GTPBP2: variants seen among roughly 807,000 people sequenced by gnomAD.
The protein encoded by GTPBP2 is GTP-binding protein 2.
A neutral mutation model predicts 63.0 loss-of-function variants in GTPBP2; 32 were observed. The ratio of observed to expected loss-of-function variants is 0.51; its 90% CI spans 0.38 to 0.68. The LOEUF is 0.68. Among genes scored for constraint, GTPBP2 ranks in the 30% least tolerant of loss-of-function variants. The pLI, the probability that GTPBP2 is intolerant of heterozygous loss-of-function variation, is 0.00. For missense variants in GTPBP2, 492 were observed against 796.9 expected (o/e 0.62, Z 4.61); for synonymous variants, 310 against 322.6 (o/e 0.96, Z 0.42).
At position 43,621,800 on chromosome 6, in the gene GTPBP2, A is replaced by G. The variant is rs770074242; in HGVS notation, c.1633-10T>C. The G allele has an allele frequency of 1.2e-6, 2 of 1,614,142 alleles. No individual in the cohort carries two copies. Among genetic ancestry groups the G allele is most frequent in the South Asian group, 1.1e-5 (1 of 91,080 alleles). On this transcript the variant is annotated splice_polypyrimidine_tract_variant and intron_variant, in intron 11 of 11. Coordinates refer to ENST00000307126, the MANE Select transcript of GTPBP2 (RefSeq NM_019096.5). ...CTGTCCGCAGTTTGTCCTGCAGCAA[A>G]TAAGTGGTCACTCCCCTGGCCAGTG...
upstream of GTPBP2, chr6:43,629,608 G>A (rs943874052): frequency 9.5e-6 from 8 of 843,852 alleles, no homozygotes; most frequent in African/African-American, 1.2e-4. Context: ...GCTTACATCA[G>A]AATCGAGCTT....
Position 43,622,758 on chromosome 6 carries a change from C to T in GTPBP2, c.1342G>A (p.Asp448Asn). Residue 448 changes from aspartate (D) to asparagine (N), a missense_variant, in exon 10 of 12, where the codon GAT becomes AAT. Asp to Asn is a conservative substitution (Grantham distance 23). This residue lies in a region of GTPBP2 where 400 missense variants were observed against 710.8 expected (regional missense o/e 0.56). Transcript: ENST00000307126. The surrounding 1 kb of genome is among the most constrained non-coding windows in gnomAD (Gnocchi z 5.4). The stretch of plus-strand genomic sequence containing the variant: ...ACTCTCAGCTCCAGGAAGCAGCCAT[C>T]ATCCGTGGGGCCCACCACCAGCTGG... The part of the protein sequence containing the change: ...GDQLVVGPTD[D>N]GCFLELRVCS... 1 of 1,614,158 alleles carries T rather than the reference C, an allele frequency of 6.2e-7. No homozygotes were observed. Among genetic ancestry groups the T allele is most frequent in the Non-Finnish European group, 8.5e-7 (1 of 1,179,998 alleles).
Position 43,621,742 on chromosome 6 carries a change from T to G in GTPBP2, c.1681A>C (p.Lys561Gln). The G allele has an allele frequency of 6.2e-7, 1 of 1,614,156 alleles. No individual in the cohort carries two copies. Among genetic ancestry groups the G allele is most frequent in the Non-Finnish European group, 8.5e-7 (1 of 1,180,022 alleles). Residue 561 changes from lysine to glutamine, a missense_variant, in exon 12 of 12, where the codon AAA (lysine) becomes CAA (glutamine). By Grantham distance (53) the Lys-to-Gln change is moderately conservative. This residue lies in a region of GTPBP2 where 400 missense variants were observed against 710.8 expected (regional missense o/e 0.56). Coordinates refer to ENST00000307126, the MANE Select transcript of GTPBP2 (RefSeq NM_019096.5). Reference sequence around the variant, plus strand: ...CCCACCTTCAGGTACTCTGGGTGTTTCAGGAAGCGGAAACGTACCACTGCC... The same window carrying G: ...CCCACCTTCAGGTACTCTGGGTGTTGCAGGAAGCGGAAACGTACCACTGCC... ...EKAVVRFRFLKHPEYLKVGAK... is the reference protein window; with the variant it reads ...EKAVVRFRFLQHPEYLKVGAK...
Position 43,626,152 on chromosome 6 carries a change from G to A in GTPBP2, c.398+74C>T. The A allele has an allele frequency of 7.1e-7, 1 of 1,401,692 alleles. No homozygotes were observed. Among genetic ancestry groups the A allele is most frequent in the Non-Finnish European group, 1.0e-6 (1 of 1,002,958 alleles). The allele number at this position is 1,401,692 out of a possible 1,614,324, so 86.8% of individuals were successfully genotyped here. Reference sequence around the variant, plus strand: ...GGAAAGTCCCACCTTGGCCCCTCAGGCCCTAGGTAACTGGGTATGCATGGG... The same window carrying A: ...GGAAAGTCCCACCTTGGCCCCTCAGACCCTAGGTAACTGGGTATGCATGGG... On this transcript the variant is annotated intron_variant, in intron 3 of 11. Transcript: ENST00000307126. The surrounding 1 kb of genome is among the most constrained non-coding windows in gnomAD (Gnocchi z 4.0).
intron 1 of GTPBP2, among the ~76,000 whole-genome samples, chr6:43,628,357 G>A (rs776694758): frequency 5.3e-5 from 8 of 151,876 alleles, no homozygotes; most frequent in South Asian, 4.1e-4. Flanking sequence ...CAGAGACTCC[G>A]TCTCAAAAAA....
At position 43,626,502 on chromosome 6, in the gene GTPBP2, T is replaced by G; in HGVS notation, c.214-92A>C. The stretch of plus-strand genomic sequence containing the variant: ...CCTGTTCTGCTGCAAGGACCAGGAC[T>G]TTCTCTTTCCACTTAAACTCATACC... On this transcript the variant is annotated intron_variant, in intron 2 of 11. Coordinates refer to ENST00000307126, the MANE Select transcript of GTPBP2 (RefSeq NM_019096.5). The surrounding 1 kb of genome is among the most constrained non-coding windows in gnomAD (Gnocchi z 4.0). The G allele has an allele frequency of 1.0e-6, 1 of 998,724 alleles. No homozygotes were observed. Among genetic ancestry groups the G allele is most frequent in the Non-Finnish European group, 1.5e-6 (1 of 659,638 alleles). The allele number at this position is 998,724 out of a possible 1,614,324, so 61.9% of individuals were successfully genotyped here.
In GTPBP2 at chr6:43,622,082, G is replaced by A; in HGVS notation, c.1553C>T (p.Thr518Ile). The change falls in exon 11 of 12, where the codon ACC becomes ATC. Residue 518 changes from threonine (T) to isoleucine (I), a missense_variant. Transcript: ENST00000307126. This position sits in a 1 kb window ranked among gnomAD's most constrained non-coding sequence, Gnocchi z 5.4. ...AEIVLLFHAT[T>I]FRRGFQVTVH... ...TGTCACCTGGAATCCTCGTCGGAAG[G>A]TGGTGGCATGGAACAGTAAGACTAT... 6.2e-7 allele frequency: 1 copy of A among 1,614,086 alleles called. No individual in the cohort carries two copies. Among genetic ancestry groups the A allele is most frequent in the Non-Finnish European group, 8.5e-7 (1 of 1,179,976 alleles).
chr6:43,621,231 A>AC lies in GTPBP2; in HGVS notation c.*382dup. Reference sequence around the variant, plus strand: ...AGAAAAAGGAGTGCTTTTGAGGGCTACCCCCTGTTGTGACCATTCCTGAAG... The same window carrying AC: ...AGAAAAAGGAGTGCTTTTGAGGGCTACCCCCCTGTTGTGACCATTCCTGAAG... On this transcript the variant is annotated 3_prime_UTR_variant, in exon 12 of 12. Transcript: ENST00000307126. The AC allele has an allele frequency of 2.6e-6, 1 of 385,902 alleles. No individual in the cohort carries two copies. Among genetic ancestry groups the AC allele is most frequent in the Non-Finnish European group, 5.1e-6 (1 of 197,566 alleles). 23.9% of individuals were successfully genotyped at this position (385,902 alleles called of 1,614,324 possible).
intron 9 of GTPBP2, 157 bp downstream of exon 9, chr6:43,623,580 G>A (rs1005153910): frequency 1.1e-5 from 7 of 651,134 alleles, no homozygotes; most frequent in East Asian, 5.3e-5. Flanking sequence ...ACAGACTACC[G>A]TTCTCCAGCT....
In GTPBP2 at chr6:43,626,340, T is replaced by C. The variant is rs1769340823; in HGVS notation, c.284A>G (p.Glu95Gly). Residue 95 changes from glutamate (E) to glycine (G), a missense_variant, in exon 3 of 12, where the codon GAG becomes GGG. Coordinates refer to ENST00000307126, the MANE Select transcript of GTPBP2 (RefSeq NM_019096.5). The surrounding 1 kb of genome is among the most constrained non-coding windows in gnomAD (Gnocchi z 4.0). ...CTGGTAGACGGCCTCACCACGTCCC[T>C]CCTGGAGCCGCCACTTCATTTGTGT... Reference protein sequence around the residue: ...LVTQMKWRLQEGRGEAVYQIG... With the variant: ...LVTQMKWRLQGGRGEAVYQIG... 1 of 1,613,990 alleles carries C rather than the reference T, an allele frequency of 6.2e-7. No homozygotes were observed. The highest frequency in any genetic ancestry group is 8.5e-7 in the Non-Finnish European group (1 of 1,179,992).
At chr6:43,629,502 C>T (rs1355531921), upstream of GTPBP2, 4 of 608,670 alleles carry the variant, frequency 6.6e-6, no homozygotes, top group South Asian at 1.9e-5. Context: ...TGTAGTCTGA[C>T]TTCCAGTCCT....
rs374771111 is a variant in GTPBP2, at chr6:43,623,118, C to T, written c.1296-314G>A. On this transcript the variant is annotated intron_variant, in intron 9 of 11. Transcript: ENST00000307126. ...GCTTTGCAGAGTCTTAGGCCAGCCG[C>T]GTTGGCTCACACCTGTAATCCTAGC... 1,641 of 293,722 alleles carry T rather than the reference C, an allele frequency of 5.6e-3. 7 individuals carry two copies. The highest frequency in any genetic ancestry group is 8.6e-3 in the Non-Finnish European group (1,336 of 155,980). The allele number at this position is 293,722 out of a possible 1,614,324, so 18.2% of individuals were successfully genotyped here.
upstream of GTPBP2, chr6:43,629,315 C>T (rs1769740858): frequency 4.3e-6 from 1 of 231,212 alleles, no homozygotes; most frequent in African/African-American, 2.3e-5. Flanking sequence ...GCCTCCGGGT[C>T]GCGTCAGAAA....
In GTPBP2 at chr6:43,626,125, A is replaced by T; in HGVS notation, c.398+101T>A. On this transcript the variant is annotated intron_variant, in intron 3 of 11. Coordinates refer to ENST00000307126, the MANE Select transcript of GTPBP2 (RefSeq NM_019096.5). This position sits in a 1 kb window ranked among gnomAD's most constrained non-coding sequence, Gnocchi z 4.0. ...CCCCACTTCAGCCCTTTGTCAAGAGAAGGAAAGTCCCACCTTGGCCCCTCA... is the reference window on the plus strand; with the variant it reads ...CCCCACTTCAGCCCTTTGTCAAGAGTAGGAAAGTCCCACCTTGGCCCCTCA... The T allele has an allele frequency of 8.9e-7, 1 of 1,124,320 alleles. No homozygotes were observed. Among genetic ancestry groups the T allele is most frequent in the South Asian group, 1.4e-5 (1 of 70,910 alleles). 69.6% of individuals were successfully genotyped at this position (1,124,320 alleles called of 1,614,324 possible). A position where few individuals can be genotyped will look rare whatever the true frequency, so the allele number is the denominator to read the frequency against.
upstream of GTPBP2, chr6:43,629,761 G>A: frequency 1.3e-6 from 2 of 1,559,142 alleles, no homozygotes; most frequent in South Asian, 1.2e-5. Context: ...TGGCCCGCGT[G>A]CCGCTGGGGT....
Position 43,622,538 on chromosome 6 carries a change from TTTCTCTGAAGCACCTTA to T in GTPBP2, c.1467+78_1467+94del. On this transcript the variant is annotated intron_variant, in intron 10 of 11. Transcript: ENST00000307126. This position sits in a 1 kb window ranked among gnomAD's most constrained non-coding sequence, Gnocchi z 5.4. Reference sequence around the variant, plus strand: ...GGTCAGAGAGTGTGTTTCCTCTGAGTTTCTCTGAAGCACCTTAGATAGGTGCTCATTCAGTAGCCAGT... The same window carrying T: ...GGTCAGAGAGTGTGTTTCCTCTGAGTGATAGGTGCTCATTCAGTAGCCAGT... 1 of 1,214,500 alleles carries T rather than the reference TTTCTCTGAAGCACCTTA, an allele frequency of 8.2e-7. No homozygotes were observed. The highest frequency in any genetic ancestry group is 1.2e-6 in the Non-Finnish European group (1 of 854,422). The allele number at this position is 1,214,500 out of a possible 1,614,324, so 75.2% of individuals were successfully genotyped here. A position where few individuals can be genotyped will look rare whatever the true frequency, so the allele number is the denominator to read the frequency against.
At position 43,624,268 on chromosome 6, in the gene GTPBP2, C is replaced by T. The variant is rs1286107016; in HGVS notation, c.1101-200G>A. ...AAAGCCCATCCGAGCCCAAGGGAAACAGCAAATGCCTGGTATAGCACTTCA... is the reference window on the plus strand; with the variant it reads ...AAAGCCCATCCGAGCCCAAGGGAAATAGCAAATGCCTGGTATAGCACTTCA... On this transcript the variant is annotated intron_variant, in intron 7 of 11. Coordinates refer to ENST00000307126, the MANE Select transcript of GTPBP2 (RefSeq NM_019096.5). This position sits in a 1 kb window ranked among gnomAD's most constrained non-coding sequence, Gnocchi z 5.1. 6.6e-6 allele frequency among the ~76,000 whole-genome samples: 1 copy of T among 152,214 alleles called. No homozygotes were observed. The highest frequency in any genetic ancestry group is 1.5e-5 in the Non-Finnish European group (1 of 68,034).
Position 43,625,182 on chromosome 6 carries a change from T to C in GTPBP2, c.706-120A>G. ...CTCTTAATCTTGACCCCATTTTTTA[T>C]TTAATTTAGTTGATTCCCCATTGAT... On this transcript the variant is annotated intron_variant, in intron 5 of 11. Transcript: ENST00000307126. The surrounding 1 kb of genome is among the most constrained non-coding windows in gnomAD (Gnocchi z 5.1). 9.3e-7 allele frequency: 1 copy of C among 1,080,344 alleles called. No homozygotes were observed. The highest frequency in any genetic ancestry group is 2.2e-5 in the Admixed American group (1 of 46,082). The allele number at this position is 1,080,344 out of a possible 1,614,324, so 66.9% of individuals were successfully genotyped here.
chr6:43,624,390 A>G lies in GTPBP2; in HGVS notation c.1100+120T>C. The G allele has an allele frequency of 1.3e-6, 1 of 758,564 alleles. No individual in the cohort carries two copies. The highest frequency in any genetic ancestry group is 2.2e-6 in the Non-Finnish European group (1 of 454,414). The allele number at this position is 758,564 out of a possible 1,614,324, so 47.0% of individuals were successfully genotyped here. ...CCCCTCCACAATCCCAAGCTGAAAC[A>G]CCCGCAGAACTAAGCCAGAACTGGT... On this transcript the variant is annotated intron_variant, in intron 7 of 11. Coordinates refer to ENST00000307126, the MANE Select transcript of GTPBP2 (RefSeq NM_019096.5). This position sits in a 1 kb window ranked among gnomAD's most constrained non-coding sequence, Gnocchi z 5.1.
Sources: gnomAD v4.1 joint callset for allele counts (sites outside exome capture counted in the v4.1 genomes callset) on GRCh38, gnomAD v4.1.1 for gene constraint, gnomAD v4.1.1 regional missense constraint, Gnocchi (gnomAD v3.1) non-coding constraint, MANE v1.5 for transcripts, NCBI Gene and HGNC (gene_info 2026-07-23, HGNC 2026-07-21) for gene names.